MSRA: variants seen among roughly 807,000 people sequenced by gnomAD.
The protein encoded by MSRA is mitochondrial peptide methionine sulfoxide reductase.
Under a neutral mutation model 31.3 loss-of-function variants are expected in MSRA, and 54 were observed. That is an observed-to-expected ratio of 1.73 (90% CI 1.39 to 2.17). MSRA has a LOEUF of 2.17. MSRA is among the 30% of genes most tolerant of loss of function. The probability of loss-of-function intolerance (pLI) is 0.00; values close to 1 mark genes in which losing one functional copy is unlikely to be tolerated. For missense variants in MSRA, 507 were observed against 300.9 expected, an observed-to-expected ratio of 1.69 and a Z score of -5.07; for synonymous variants, 169 against 116.5, an observed-to-expected ratio of 1.45 and a Z score of -2.90.
chr8:10,406,581 T>TGTGTATTGGAG (rs1239358381), intron 5 of MSRA, among the ~76,000 whole-genome samples: 1 of 152,182 alleles, frequency 6.6e-6, no homozygotes, highest in African/African-American at 2.4e-5. Context: ...CACAGAGTCC[T>TGTGTATTGGAG]GGGTGTATTG....
At chr8:10,178,470 CA>C (rs2129049009) in intron 1 of MSRA, among the ~76,000 whole-genome samples, 1 of 152,032 alleles carries the variant, frequency 6.6e-6, no homozygotes, top group Admixed American at 6.6e-5. Context: ...AATAACATTC[CA>C]AGCAGGAAAG....
intron 1 of MSRA, among the ~76,000 whole-genome samples, chr8:10,144,661 A>G (rs754912551): frequency 2.7e-5 from 4 of 148,438 alleles, no homozygotes; most frequent in Non-Finnish European, 5.9e-5. Context: ...CCAACCCCCA[A>G]GTATAATTCT....
At chr8:10,361,499 A>G (rs898737418) in intron 5 of MSRA, among the ~76,000 whole-genome samples, 15 of 152,148 alleles carry the variant, frequency 9.9e-5, no homozygotes, top group Admixed American at 7.2e-4. Context: ...TCCCAGTACT[A>G]TAAGACTCAT....
At chr8:10,144,589 C>G (rs576337965) in intron 1 of MSRA, among the ~76,000 whole-genome samples, 40 of 152,188 alleles carry the variant, frequency 2.6e-4, no homozygotes, top group African/African-American at 8.9e-4. Context: ...TTGAAAACAG[C>G]GCTTCCCCCC....
intron 5 of MSRA, among the ~76,000 whole-genome samples, chr8:10,342,081 A>G (rs142106486): frequency 5.0e-4 from 76 of 152,286 alleles, no homozygotes; most frequent in African/African-American, 1.7e-3. Context: ...GCTGGGTTCA[A>G]AGAGTTAAAA....
intron 1 of MSRA, among the ~76,000 whole-genome samples, chr8:10,075,606 A>T (rs946051368): frequency 6.6e-6 from 1 of 152,238 alleles, no homozygotes; most frequent in African/African-American, 2.4e-5. Flanking sequence ...TCCTAAAGAG[A>T]TCCACAGTTA....
rs551654524 is a variant in MSRA at position 10,242,648 on chromosome 8, T to C, written c.212-2456T>C. Among the ~76,000 whole-genome samples, 17 of 152,280 alleles carry C rather than the reference T, an allele frequency of 1.1e-4. No homozygotes were observed. In the South Asian group the frequency reaches 3.5e-3, roughly 32 times the overall value. ...GCATACTATATTTTATTTGCTGATA[T>C]TCATAATGATCACCAGATTATTGAA... On this transcript the variant is annotated intron_variant, in intron 2 of 5. Transcript: ENST00000317173.
chr8:10,228,630 G>A (rs1004098450), intron 2 of MSRA, among the ~76,000 whole-genome samples: 2 of 152,144 alleles, frequency 1.3e-5, no homozygotes, highest in Admixed American at 1.3e-4. Context: ...TGTTTCCAGG[G>A]AGGTATAGCA....
chr8:10,270,015 T>C (rs1028891037), intron 3 of MSRA, among the ~76,000 whole-genome samples: 12 of 152,184 alleles, frequency 7.9e-5, no homozygotes, highest in East Asian at 1.9e-4. Context: ...GGGTTTGTTA[T>C]GAGTGTCAAA....
At chr8:10,152,799 CTG>C (rs907791029) in intron 1 of MSRA, among the ~76,000 whole-genome samples, 1 of 152,160 alleles carries the variant, frequency 6.6e-6, no homozygotes, top group African/African-American at 2.4e-5. Flanking sequence ...TGTGGTCTAT[CTG>C]TGCAATGGAA....
intron 3 of MSRA, among the ~76,000 whole-genome samples, chr8:10,257,391 A>G (rs1354157785): frequency 2.6e-5 from 4 of 152,188 alleles, no homozygotes; most frequent in Non-Finnish European, 5.9e-5. Flanking sequence ...GTGTGTGTCC[A>G]TAAACCTTCT....
intron 4 of MSRA, among the ~76,000 whole-genome samples, chr8:10,302,236 T>A (rs1169165396): frequency 6.6e-6 from 1 of 152,266 alleles, no homozygotes; most frequent in African/African-American, 2.4e-5. Flanking sequence ...TTTATTTGAA[T>A]GCATACACAA....
intron 2 of MSRA, among the ~76,000 whole-genome samples, chr8:10,219,738 A>G (rs1810313293): frequency 7.2e-6 from 1 of 138,566 alleles, no homozygotes; most frequent in African/African-American, 2.7e-5. Flanking sequence ...CCCGGGAGGC[A>G]CAACTTGCAG....
At chr8:10,309,512 T>A (rs1300366830) in intron 4 of MSRA, among the ~76,000 whole-genome samples, 2 of 152,252 alleles carry the variant, frequency 1.3e-5, no homozygotes, top group East Asian at 3.9e-4. Context: ...TTACCCCTGA[T>A]GGCTTCCTAT....
intron 1 of MSRA, among the ~76,000 whole-genome samples, chr8:10,147,053 A>T (rs1803204802): frequency 6.6e-6 from 1 of 152,126 alleles, no homozygotes; most frequent in African/African-American, 2.4e-5. Flanking sequence ...CCAGGTACAG[A>T]TGAGTGCCGG....
At chr8:10,387,333 C>T (rs989155594) in intron 5 of MSRA, among the ~76,000 whole-genome samples, 2 of 152,028 alleles carry the variant, frequency 1.3e-5, no homozygotes, top group African/African-American at 4.8e-5. Context: ...AATTTTTTTC[C>T]CCCTTGAAGG....
At chr8:10,113,957 A>C (rs1355852318) in intron 1 of MSRA, among the ~76,000 whole-genome samples, 1 of 151,504 alleles carries the variant, frequency 6.6e-6, no homozygotes. Context: ...TTTAGCACTC[A>C]CTCCTCATTC....
intron 3 of MSRA, among the ~76,000 whole-genome samples, chr8:10,298,929 C>G (rs1166229055): frequency 1.3e-5 from 2 of 152,078 alleles, no homozygotes; most frequent in East Asian, 1.9e-4. Context: ...ATCACTTAAT[C>G]AAGGTAAATG....
At chr8:10,061,620 G>A (rs549676815) in intron 1 of MSRA, among the ~76,000 whole-genome samples, 1 of 152,186 alleles carries the variant, frequency 6.6e-6, no homozygotes, top group African/African-American at 2.4e-5. Flanking sequence ...CACCAAGAGT[G>A]CAGTCAATAG....
Sources: allele counts gnomAD v4.1 joint callset (sites outside exome capture counted in the v4.1 genomes callset), GRCh38; gene constraint gnomAD v4.1.1; transcripts MANE v1.5; gene names NCBI Gene and HGNC (gene_info 2026-07-23, HGNC 2026-07-21).